PARVB: variants seen among roughly 807,000 people sequenced by gnomAD.
PARVB encodes the protein beta-parvin.
A neutral mutation model predicts 47.0 loss-of-function variants in PARVB; 46 were observed. The ratio of observed to expected loss-of-function variants is 0.98; its 90% CI spans 0.77 to 1.25. The LOEUF is 1.25. Among genes scored for constraint, PARVB ranks in the 50% most tolerant of loss-of-function variants. The pLI is 0.00. For synonymous variants in PARVB, 196 were observed against 196.3 expected (o/e 1.00, Z 0.01); for missense variants, 473 against 471.6 (o/e 1.00, Z -0.03).
chr22:44,157,076 A>C (rs1569160839), intron 10 of PARVB, among the ~76,000 whole-genome samples: 1 of 152,392 alleles, frequency 6.6e-6, no homozygotes, highest in East Asian at 1.9e-4. Context: ...ACATTCAAAC[A>C]AAAACATTTT....
chr22:44,110,062 G>A (rs1316158746), intron 3 of PARVB: 4 of 134,128 alleles, frequency 3.0e-5, no homozygotes, highest in African/African-American at 5.6e-5. Context: ...GCAGTGAGCC[G>A]AGATCCCGCC....
intron 1 of PARVB, among the ~76,000 whole-genome samples, chr22:44,091,040 A>G (rs2052154208): frequency 6.6e-6 from 1 of 152,064 alleles, no homozygotes; most frequent in African/African-American, 2.4e-5. Context: ...CTTCTGGATT[A>G]TTTTTAGAGA....
At chr22:44,016,298 G>T (rs140178505) in intron 2 of PARVB, among the ~76,000 whole-genome samples, 4 of 151,880 alleles carry the variant, frequency 2.6e-5, no homozygotes, top group African/African-American at 7.2e-5. Context: ...GGGTTTCACC[G>T]TGTTAGCCAG....
chr22:44,102,016 G>C (rs2052458865), intron 3 of PARVB, among the ~76,000 whole-genome samples: 1 of 152,174 alleles, frequency 6.6e-6, no homozygotes. Flanking sequence ...TATCTAGAGA[G>C]AGGTTTATTA....
At chr22:44,167,937 T>G (rs548816487) in intron 12 of PARVB, 1 of 152,800 alleles carries the variant, frequency 6.5e-6, no homozygotes, top group African/African-American at 2.4e-5. Flanking sequence ...AGTTGCTGAT[T>G]CTTAGCATCC....
At chr22:44,147,505 G>A (rs945972263) in intron 8 of PARVB, 5 of 383,364 alleles carry the variant, frequency 1.3e-5, no homozygotes, top group Non-Finnish European at 2.6e-5. Context: ...TAGACAAGGA[G>A]TGTGGGAACA....
rs547040746 is a variant in PARVB at position 44,117,132 on chromosome 22, C to A, written c.274-1906C>A. On this transcript the variant is annotated intron_variant, in intron 3 of 12. Transcript: ENST00000338758. ...ATGCTCACGGAACCCCCTCTCCCCA[C>A]CCCGCCCCGTGGCAGGGGCATGGAG... is the stretch of plus-strand genomic sequence containing the variant. 1.2e-4 allele frequency among the ~76,000 whole-genome samples: 18 copies of A among 151,962 alleles called. No individual in the cohort carries two copies. In the East Asian group the frequency reaches 3.3e-3, roughly 28 times the overall value.
In PARVB at chr22:44,009,546, T is replaced by C. The variant is rs372273122; in HGVS notation, c.211+9873T>C. 26 of 151,932 alleles carry C rather than the reference T, an allele frequency of 1.7e-4. 1 individual carries two copies. The East Asian group carries it at 3.7e-3, about 21-fold the overall frequency. The allele number at this position is 151,932 out of a possible 1,614,324, so 9.4% of individuals were successfully genotyped here. A position where few individuals can be genotyped will look rare whatever the true frequency, so the allele number is the denominator to read the frequency against. On this transcript the variant is annotated intron_variant, in intron 2 of 13. Transcript: ENST00000406477. ...ATTAAGGTAAAGTGGCATTCTGCCATAAAGGTTTATATATATATGTAAAAA... is the reference window on the plus strand; with the variant it reads ...ATTAAGGTAAAGTGGCATTCTGCCACAAAGGTTTATATATATATGTAAAAA...
intron 6 of PARVB, among the ~76,000 whole-genome samples, chr22:44,134,016 T>C (rs1260402125): frequency 6.6e-6 from 1 of 152,142 alleles, no homozygotes; most frequent in Non-Finnish European, 1.5e-5. Context: ...AGAGTTGAGG[T>C]CACGCTCGGA....
At chr22:44,022,696 C>G (rs1344087960), upstream of PARVB, among the ~76,000 whole-genome samples, 1 of 152,090 alleles carries the variant, frequency 6.6e-6, no homozygotes, top group African/African-American at 2.4e-5. Flanking sequence ...CCACCATGGC[C>G]TGGCAGGACA....
rs9614359 is a variant in PARVB, at chr22:44,170,554, G to A, written c.*1876G>A. 51,378 of 152,006 alleles carry A rather than the reference G, an allele frequency of 0.34. 8,920 individuals are homozygous for A. Among genetic ancestry groups the A allele is most frequent in the Admixed American group, 0.43 (6,507 of 15,274 alleles). The allele number at this position is 152,006 out of a possible 1,614,324, so 9.4% of individuals were successfully genotyped here. On this transcript the variant is annotated 3_prime_UTR_variant, in exon 13 of 13. Coordinates refer to ENST00000338758, the MANE Select transcript of PARVB (RefSeq NM_013327.5). ...CTTAGAGTATCCTATAAAAGGAGTC[G>A]CTGCTCACTCAGTTATGGGTTGTTC...
At chr22:44,147,684 C>G in intron 8 of PARVB, 177 bp from the exon 9 acceptor site, 1 of 757,838 alleles carries the variant, frequency 1.3e-6, no homozygotes, top group Non-Finnish European at 2.4e-6. Context: ...TTGGTTTGGC[C>G]GGGACTGATC....
At chr22:44,080,647 G>T (rs2051879638) in intron 1 of PARVB, among the ~76,000 whole-genome samples, 1 of 152,344 alleles carries the variant, frequency 6.6e-6, no homozygotes, top group South Asian at 2.1e-4. Flanking sequence ...GGGACTTGAT[G>T]TGGACATCTT....
intron 1 of PARVB, among the ~76,000 whole-genome samples, chr22:44,076,652 G>C (rs1290214568): frequency 1.3e-5 from 2 of 152,138 alleles, no homozygotes; most frequent in African/African-American, 4.8e-5. Flanking sequence ...GGCGTGCCTG[G>C]GTCCTGGGTC....
intron 2 of PARVB, among the ~76,000 whole-genome samples, chr22:44,010,723 A>G (rs1569047642): frequency 1.3e-5 from 2 of 152,082 alleles, no homozygotes; most frequent in Admixed American, 6.6e-5. Flanking sequence ...CTGCTCCCGA[A>G]TCTGCATAGT....
chr22:44,092,752 G>T (rs78366367), intron 1 of PARVB, among the ~76,000 whole-genome samples: 2,799 of 152,308 alleles, frequency 0.018, 46 homozygotes, highest in South Asian at 0.041. Flanking sequence ...GGATGTACCT[G>T]GGGTCTCACG....
chr22:44,028,240 C>T (rs979600207), intron 1 of PARVB, among the ~76,000 whole-genome samples: 9 of 152,188 alleles, frequency 5.9e-5, no homozygotes, highest in Admixed American at 5.9e-4. Context: ...TCACTGACCC[C>T]AGAATCCTCT....
rs533926427 is a variant in PARVB at position 44,155,758 on chromosome 22, C to T, written c.844-2224C>T. 2.0e-5 allele frequency among the ~76,000 whole-genome samples: 3 copies of T among 152,242 alleles called. No individual in the cohort carries two copies. The highest frequency in any genetic ancestry group is 2.1e-4 in the South Asian group (1 of 4,826). ...CACACTTAAAAGAATTCTTCAAACC[C>T]GTCTGATCTCCTTAATGATAGGAGT... On this transcript the variant is annotated intron_variant, in intron 10 of 12. Transcript: ENST00000338758. This position sits in a 1 kb window ranked among gnomAD's most constrained non-coding sequence, Gnocchi z 4.8.
intron 1 of PARVB, among the ~76,000 whole-genome samples, chr22:44,047,564 G>A (rs937946529): frequency 6.6e-6 from 1 of 152,110 alleles, no homozygotes; most frequent in East Asian, 1.9e-4. Flanking sequence ...GGGAGGCTGA[G>A]GCAGGAGAAT....
Sources: allele counts gnomAD v4.1 joint callset (sites outside exome capture counted in the v4.1 genomes callset), GRCh38; gene constraint gnomAD v4.1.1; non-coding constraint Gnocchi (gnomAD v3.1); transcripts MANE v1.5; gene names NCBI Gene and HGNC (gene_info 2026-07-23, HGNC 2026-07-21).